Variants in NOL4 observed in about 807,000 individuals in gnomAD.
NOL4 encodes the protein nucleolar protein 4.
Under a neutral mutation model 75.9 loss-of-function variants are expected in NOL4, and 17 were observed. The ratio of observed to expected loss-of-function variants is 0.22; its 90% CI spans 0.15 to 0.34. The LOEUF (loss-of-function observed/expected upper bound fraction) is 0.34. NOL4 is among the 10% of genes least tolerant of loss of function. NOL4 has a pLI of 1.00. For synonymous variants in NOL4, 292 were observed against 289.9 expected (o/e 1.01, Z -0.07); for missense variants, 614 against 793.5 (o/e 0.77, Z 2.72).
chr18:34,078,112 A>G (rs1203204744), intron 5 of NOL4, among the ~76,000 whole-genome samples: 1 of 152,132 alleles, frequency 6.6e-6, no homozygotes. Flanking sequence ...GATAATTACA[A>G]TATGTTGGCA....
chr18:33,951,190 C>T (rs964489450), intron 8 of NOL4, among the ~76,000 whole-genome samples: 4 of 152,118 alleles, frequency 2.6e-5, no homozygotes, highest in African/African-American at 4.8e-5. Flanking sequence ...AGAAGCATTC[C>T]TCTGGAATCA....
At chr18:34,114,064 C>A (rs2079735357) in intron 2 of NOL4, among the ~76,000 whole-genome samples, 1 of 152,242 alleles carries the variant, frequency 6.6e-6, no homozygotes, top group East Asian at 1.9e-4. Flanking sequence ...GATTTTGATT[C>A]AGATACTAAA....
intron 8 of NOL4, among the ~76,000 whole-genome samples, chr18:33,955,731 G>T (rs1284418895): frequency 6.6e-6 from 1 of 152,114 alleles, no homozygotes; most frequent in Non-Finnish European, 1.5e-5. Flanking sequence ...CAGATTTTCT[G>T]TCATGGACAT....
At chr18:33,952,129 T>C in intron 8 of NOL4, among the ~76,000 whole-genome samples, 1 of 152,186 alleles carries the variant, frequency 6.6e-6, no homozygotes, top group East Asian at 1.9e-4. Context: ...TCAGGATTTG[T>C]ATGTGTTTGT....
chr18:34,000,843 T>C (rs1379396403), intron 6 of NOL4, among the ~76,000 whole-genome samples: 1 of 152,142 alleles, frequency 6.6e-6, no homozygotes, highest in African/African-American at 2.4e-5. Context: ...TTCTATTTTT[T>C]CTACTCAGAA....
At chr18:34,208,961 G>A (rs550489178) in intron 1 of NOL4, among the ~76,000 whole-genome samples, 2 of 152,102 alleles carry the variant, frequency 1.3e-5, no homozygotes, top group Admixed American at 6.5e-5. Flanking sequence ...TGTAATCCTA[G>A]CACTTTGGGA....
At position 33,964,671 on chromosome 18, in the gene NOL4, C is replaced by T. The variant is rs2070437088; in HGVS notation, c.1057-6253G>A. 4.6e-5 allele frequency among the ~76,000 whole-genome samples: 7 copies of T among 152,110 alleles called. 1 individual carries two copies. The South Asian group carries it at 1.4e-3, about 31-fold the overall frequency. On this transcript the variant is annotated intron_variant, in intron 6 of 10. Coordinates refer to ENST00000261592, the MANE Select transcript of NOL4 (RefSeq NM_003787.5). Reference sequence around the variant, plus strand: ...GAAATGCAAAGGCTCAGCTCCCTCCCAAGATCAACTTTGGATGTAGGCCCA... The same window carrying T: ...GAAATGCAAAGGCTCAGCTCCCTCCTAAGATCAACTTTGGATGTAGGCCCA...
At position 34,007,185 on chromosome 18, in the gene NOL4, G is replaced by T. The variant is rs567682369; in HGVS notation, c.1056+12133C>A. Among the ~76,000 whole-genome samples, 5 of 152,072 alleles carry T rather than the reference G, an allele frequency of 3.3e-5. No individual in the cohort carries two copies. In the East Asian group the frequency reaches 9.7e-4, roughly 30 times the overall value. On this transcript the variant is annotated intron_variant, in intron 6 of 10. Transcript: ENST00000261592. ...GGATAAGAAGGGAGTTGCTGTGCTG[G>T]CTGGGGTAATTGCTCCAGGCTACCA...
At chr18:34,076,376 A>G (rs562286439) in intron 5 of NOL4, among the ~76,000 whole-genome samples, 1 of 152,136 alleles carries the variant, frequency 6.6e-6, no homozygotes, top group African/African-American at 2.4e-5. Flanking sequence ...AATCCCTCAC[A>G]TTGGCAGTGG....
chr18:33,987,967 C>T (rs1351803925), intron 6 of NOL4, among the ~76,000 whole-genome samples: 1 of 152,056 alleles, frequency 6.6e-6, no homozygotes, highest in Non-Finnish European at 1.5e-5. Context: ...CTACTACTTT[C>T]CTAACCAAAG....
intron 5 of NOL4, among the ~76,000 whole-genome samples, chr18:34,057,143 A>G (rs1339030240): frequency 1.3e-5 from 2 of 152,184 alleles, no homozygotes; most frequent in Non-Finnish European, 2.9e-5. Flanking sequence ...ACCTTAAAGC[A>G]GGAATTTCAG....
At chr18:34,155,538 T>C (rs1227031158) in intron 1 of NOL4, among the ~76,000 whole-genome samples, 2 of 152,190 alleles carry the variant, frequency 1.3e-5, no homozygotes, top group East Asian at 1.9e-4. Flanking sequence ...ATAGATGGCA[T>C]AGACTACTAC....
chr18:33,896,600 CA>C (rs2065425508), intron 9 of NOL4, among the ~76,000 whole-genome samples: 1 of 151,704 alleles, frequency 6.6e-6, no homozygotes, highest in African/African-American at 2.4e-5. Context: ...GAAGCTGGAT[CA>C]TTTCCACAAA....
intron 1 of NOL4, among the ~76,000 whole-genome samples, chr18:34,134,169 C>A: frequency 6.6e-6 from 1 of 151,666 alleles, no homozygotes; most frequent in East Asian, 1.9e-4. Context: ...GACTTATCAG[C>A]CATAGAACAA....
chr18:33,966,642 C>T (rs994267982), intron 6 of NOL4, among the ~76,000 whole-genome samples: 3 of 152,050 alleles, frequency 2.0e-5, no homozygotes, highest in African/African-American at 7.2e-5. Flanking sequence ...CATTTTTACA[C>T]ACCAAGAATG....
chr18:33,898,750 C>A (rs528924212), intron 9 of NOL4, among the ~76,000 whole-genome samples: 29 of 152,188 alleles, frequency 1.9e-4, no homozygotes, highest in Admixed American at 1.6e-3. Flanking sequence ...AATTTTTATT[C>A]ACTTATGTTG....
chr18:33,898,915 G>A (rs943999237), intron 9 of NOL4, among the ~76,000 whole-genome samples: 18 of 152,086 alleles, frequency 1.2e-4, no homozygotes, highest in African/African-American at 4.3e-4. Flanking sequence ...GTCAGACTAT[G>A]ACAGTGAAAA....
intron 9 of NOL4, among the ~76,000 whole-genome samples, chr18:33,897,920 A>C (rs1407227505): frequency 6.6e-6 from 1 of 151,890 alleles, no homozygotes; most frequent in Non-Finnish European, 1.5e-5. Context: ...CTCCTTTTTA[A>C]AATAACTTTT....
At chr18:34,185,490 A>AT (rs1050278406) in intron 1 of NOL4, among the ~76,000 whole-genome samples, 16 of 151,290 alleles carry the variant, frequency 1.1e-4, no homozygotes, top group African/African-American at 2.4e-4. Context: ...AAAGAGGCTT[A>AT]TTTTTTTTTC....
Sources: allele counts gnomAD v4.1 joint callset (sites outside exome capture counted in the v4.1 genomes callset), GRCh38; gene constraint gnomAD v4.1.1; transcripts MANE v1.5; gene names NCBI Gene and HGNC (gene_info 2026-07-23, HGNC 2026-07-21).